The following ATP13A3 variants were observed in gnomAD, a reference collection of about 807,000 sequenced individuals.
ATP13A3 encodes ATPase 13A3, also known as polyamine-transporting ATPase 13A3.
In ATP13A3, 59 loss-of-function variants were observed where a neutral mutation model predicts 158.1. That is an observed-to-expected ratio of 0.37 (90% CI 0.30 to 0.46). The LOEUF (loss-of-function observed/expected upper bound fraction) is 0.46, where lower values mean the gene tolerates loss of function less well. ATP13A3 is among the 20% of genes least tolerant of loss of function. ATP13A3 has a pLI of 1.00. For synonymous variants in ATP13A3, 491 were observed against 504.3 expected (o/e 0.97, Z 0.35); for missense variants, 1,166 against 1,525.2 (o/e 0.76, Z 3.92).
At chr3:194,411,011 G>T (rs540267183) in intron 33 of ATP13A3, among the ~76,000 whole-genome samples, 6 of 150,386 alleles carry the variant, frequency 4.0e-5, no homozygotes, top group African/African-American at 1.2e-4. Context: ...TGAGCCCCTT[G>T]TACAACCCTA....
rs1190776844 is a variant in ATP13A3 at position 194,429,874 on chromosome 3, G to A, written c.2778-100C>T. On this transcript the variant is annotated intron_variant, in intron 26 of 33. Coordinates refer to ENST00000645319, the MANE Select transcript of ATP13A3 (RefSeq NM_001367549.1). ...TGACAGATGAACATCAACATTCAAC[G>A]GCTACAACAAAGTGCTTATCCACCA... 3.5e-6 allele frequency: 4 copies of A among 1,142,164 alleles called. No homozygotes were observed. The African/African-American group carries it at 4.6e-5, about 13-fold the overall frequency. The allele number at this position is 1,142,164 out of a possible 1,614,324, so 70.8% of individuals were successfully genotyped here. A position where few individuals can be genotyped will look rare whatever the true frequency, so the allele number is the denominator to read the frequency against.
intron 2 of ATP13A3, among the ~76,000 whole-genome samples, chr3:194,474,839 G>A (rs1008040344): frequency 2.0e-5 from 3 of 152,106 alleles, no homozygotes; most frequent in Non-Finnish European, 2.9e-5. Flanking sequence ...GCTGTGATGC[G>A]GTGCTCACTG....
chr3:194,410,804 G>C (rs1033854194), intron 33 of ATP13A3, among the ~76,000 whole-genome samples: 2 of 151,208 alleles, frequency 1.3e-5, no homozygotes, highest in African/African-American at 2.4e-5. Context: ...TGAAAAATCG[G>C]AATGTTTTCC....
intron 24 of ATP13A3, 22 bp downstream of exon 24, chr3:194,430,921 C>A: frequency 6.4e-7 from 1 of 1,560,042 alleles, no homozygotes; most frequent in South Asian, 1.3e-5. Flanking sequence ...AAACCAAAAC[C>A]AAAAAAGACA....
At chr3:194,456,657 C>CA (rs1414011753) in intron 7 of ATP13A3, among the ~76,000 whole-genome samples, 2 of 151,892 alleles carry the variant, frequency 1.3e-5, no homozygotes, top group Non-Finnish European at 2.9e-5. Flanking sequence ...ATTATGTCTC[C>CA]CAATTTACAA....
intron 29 of ATP13A3, 52 bp from the exon 30 acceptor site, chr3:194,425,581 C>T (rs1326239011): frequency 7.1e-7 from 1 of 1,415,714 alleles, no homozygotes; most frequent in African/African-American, 1.4e-5. Flanking sequence ...ACTCATTTCC[C>T]AAAAGAAACC....
intron 2 of ATP13A3, among the ~76,000 whole-genome samples, 182 bp from the exon 3 acceptor site, chr3:194,462,418 C>T (rs910752033): frequency 2.0e-5 from 3 of 152,204 alleles, no homozygotes; most frequent in African/African-American, 7.2e-5. Context: ...TGCCCCAGCT[C>T]TACCTCCCAT....
intron 11 of ATP13A3, among the ~76,000 whole-genome samples, chr3:194,449,095 CAGAAA>C (rs1252640332): frequency 6.8e-6 from 1 of 146,790 alleles, no homozygotes. Context: ...ACACACAGAA[CAGAAA>C]AGACAGCTGG....
rs755690791 is a variant in ATP13A3 at position 194,406,052 on chromosome 3, G to C, written c.3638C>G (p.Pro1213Arg). ...PWALGCRKKT[P>R]KAKYMYLAQE... ...CGCCAGATACATGTACTTTGCCTTT[G>C]GTGTCTTCTTTCTACAGCCCAGGGC... Residue 1213 changes from proline to arginine, a missense_variant, in exon 34 of 34, where the codon CCA becomes CGA. Physicochemically the swap from Pro to Arg is moderately radical, Grantham distance 103 (BLOSUM62 -2). This residue lies in a region of ATP13A3 where 997 missense variants were observed against 1,341.2 expected (regional missense o/e 0.74). Transcript: ENST00000645319. The C allele has an allele frequency of 4.3e-6, 7 of 1,614,170 alleles. No homozygotes were observed. The South Asian group carries it at 5.5e-5, about 13-fold the overall frequency.
intron 2 of ATP13A3, among the ~76,000 whole-genome samples, chr3:194,463,224 T>C (rs181712578): frequency 2.0e-5 from 3 of 152,078 alleles, no homozygotes; most frequent in Non-Finnish European, 2.9e-5. Context: ...ACCTTCTGAT[T>C]ATTCCTGACT....
At chr3:194,447,146 C>T (rs756712233) in intron 13 of ATP13A3, 31 bp from the exon 14 acceptor site, 42 of 1,547,758 alleles carry the variant, frequency 2.7e-5, no homozygotes, top group Non-Finnish European at 3.6e-5. Flanking sequence ...AATGTCAAAT[C>T]CCCAGTATTA....
At chr3:194,478,548 A>C (rs1237692204) in intron 2 of ATP13A3, among the ~76,000 whole-genome samples, 2 of 152,164 alleles carry the variant, frequency 1.3e-5, no homozygotes, top group African/African-American at 4.8e-5. Context: ...CAGGAAAACA[A>C]GTTATTTAAA....
At chr3:194,429,415 G>C (rs1717055384) in intron 27 of ATP13A3, among the ~76,000 whole-genome samples, 1 of 152,146 alleles carries the variant, frequency 6.6e-6, no homozygotes, top group African/African-American at 2.4e-5. Flanking sequence ...AAATCTGATA[G>C]GGTACCTGTG....
In ATP13A3 at chr3:194,411,165, T is replaced by A. The variant is rs1411029566; in HGVS notation, c.3573+1034A>T. On this transcript the variant is annotated intron_variant, in intron 33 of 33. Transcript: ENST00000645319. ...TGCAGGCCCTCTTAGAAAGCAAGCCTGTGGCATTACACCAGGACATCAGGC... is the reference window on the plus strand; with the variant it reads ...TGCAGGCCCTCTTAGAAAGCAAGCCAGTGGCATTACACCAGGACATCAGGC... Among the ~76,000 whole-genome samples, 3 of 151,988 alleles carry A rather than the reference T, an allele frequency of 2.0e-5. No individual in the cohort carries two copies. The East Asian group carries it at 5.8e-4, about 29-fold the overall frequency.
At chr3:194,417,441 A>ACACACACG (rs1715941704) in intron 31 of ATP13A3, among the ~76,000 whole-genome samples, 2 of 150,898 alleles carry the variant, frequency 1.3e-5, no homozygotes, top group Non-Finnish European at 2.9e-5. Flanking sequence ...ACACACACAC[A>ACACACACG]CACAAAAGGA....
At chr3:194,447,795 A>G in intron 13 of ATP13A3, 57 bp downstream of exon 13, 1 of 1,431,564 alleles carries the variant, frequency 7.0e-7, no homozygotes, top group Non-Finnish European at 9.6e-7. Flanking sequence ...AATCCTCAAT[A>G]GCTGCATATG....
chr3:194,436,964 C>G, intron 20 of ATP13A3, 131 bp downstream of exon 20: 1 of 1,228,292 alleles, frequency 8.1e-7, no homozygotes, highest in Non-Finnish European at 1.1e-6. Context: ...CTTCAATCAC[C>G]TAAAACAATA....
chr3:194,459,998 A>T (rs1719530825), intron 4 of ATP13A3, 27 bp from the exon 5 acceptor site: 1 of 1,554,040 alleles, frequency 6.4e-7, no homozygotes, highest in South Asian at 1.2e-5. Flanking sequence ...GATAACGGTA[A>T]GGAGTCAATT....
At chr3:194,481,188 A>G (rs571742374) in intron 2 of ATP13A3, among the ~76,000 whole-genome samples, 1 of 152,102 alleles carries the variant, frequency 6.6e-6, no homozygotes, top group East Asian at 1.9e-4. Flanking sequence ...ATCAAAATAA[A>G]TAACTAAAAT....
Sources: gnomAD v4.1 joint callset for allele counts (sites outside exome capture counted in the v4.1 genomes callset) on GRCh38, gnomAD v4.1.1 for gene constraint, gnomAD v4.1.1 regional missense constraint, MANE v1.5 for transcripts, NCBI Gene and HGNC (gene_info 2026-07-23, HGNC 2026-07-21) for gene names.